Variants in ARRB2 observed in about 807,000 individuals in gnomAD.
The protein encoded by ARRB2 is beta-arrestin-2.
In ARRB2, 21 loss-of-function variants were observed where a neutral mutation model predicts 53.4. The ratio of observed to expected loss-of-function variants is 0.39; its 90% CI spans 0.28 to 0.57. The LOEUF is 0.57. ARRB2 is among the 20% of genes least tolerant of loss of function. The pLI is 0.55. For synonymous variants in ARRB2, 180 were observed against 212.9 expected (o/e 0.85, Z 1.34); for missense variants, 369 against 527.5 (o/e 0.70, Z 2.94).
At position 4,717,615 on chromosome 17, in the gene ARRB2, G is replaced by T; in HGVS notation, c.418-70G>T. ...AGTCCCTGCCCGAGAGGAGGGAAGG[G>T]GGAGGAAGAAAGGGCAGTGATGGTG... On this transcript the variant is annotated intron_variant, in intron 6 of 14. Coordinates refer to ENST00000269260, the MANE Select transcript of ARRB2 (RefSeq NM_004313.4). This position sits in a 1 kb window ranked among gnomAD's most constrained non-coding sequence, Gnocchi z 6.0. 2 of 1,594,274 alleles carry T rather than the reference G, an allele frequency of 1.3e-6. No homozygotes were observed. Among genetic ancestry groups the T allele is most frequent in the South Asian group, 2.2e-5 (2 of 90,670 alleles).
At position 4,717,759 on chromosome 17, in the gene ARRB2, GA is replaced by G; in HGVS notation, c.485+9del. 1.9e-6 allele frequency: 3 copies of G among 1,612,960 alleles called. No homozygotes were observed. Among genetic ancestry groups the G allele is most frequent in the Non-Finnish European group, 2.5e-6 (3 of 1,179,600 alleles). On this transcript the variant is annotated splice_region_variant and intron_variant, in intron 7 of 14. Transcript: ENST00000269260. This position sits in a 1 kb window ranked among gnomAD's most constrained non-coding sequence, Gnocchi z 6.0. ...AAGAGAAAAGCCACAAAAGGTAAGG[GA>G]AGTGACCTCCTCTGTGGTGTAAGAG...
chr17:4,718,265 A>G lies in ARRB2; in HGVS notation c.626A>G (p.Tyr209Cys). The change falls in exon 9 of 15, where the codon TAC (tyrosine) becomes TGC (cysteine). Residue 209 changes from tyrosine (Y) to cysteine (C), a missense_variant. Coordinates refer to ENST00000269260, the MANE Select transcript of ARRB2 (RefSeq NM_004313.4). ...HLEASLDKELYYHGEPLNVNV... is the reference protein window; with the variant it reads ...HLEASLDKELCYHGEPLNVNV... ...ATGACCCCCTCCCCCCAAAAGCTGTACTACCATGGGGAGCCCCTCAATGTA... is the reference window on the plus strand; with the variant it reads ...ATGACCCCCTCCCCCCAAAAGCTGTGCTACCATGGGGAGCCCCTCAATGTA... 1 of 1,611,246 alleles carries G rather than the reference A, an allele frequency of 6.2e-7. No individual in the cohort carries two copies. Among genetic ancestry groups the G allele is most frequent in the Non-Finnish European group, 8.5e-7 (1 of 1,178,668 alleles).
chr17:4,715,486 G>GACACACACACACACACAC, intron 2 of ARRB2: 1 of 132,752 alleles, frequency 7.5e-6, no homozygotes, highest in Non-Finnish European at 1.5e-5. Context: ...CACACACACA[G>GACACACACACACACACAC]ACACACACAC....
chr17:4,720,084 C>T (rs563618175), intron 11 of ARRB2, 132 bp from the exon 12 acceptor site: 166 of 883,324 alleles, frequency 1.9e-4, no homozygotes, highest in African/African-American at 1.4e-3. Flanking sequence ...CATAACCGCA[C>T]GGCCTGGGCT....
Position 4,721,109 on chromosome 17 carries a change from C to T in ARRB2, c.*70C>T. ...AGGGCAGGATTAAGATCCCCACTGT[C>T]AATGGGGGATTGTCCCAGCCCCTCT... On this transcript the variant is annotated 3_prime_UTR_variant, in exon 15 of 15. Coordinates refer to ENST00000269260, the MANE Select transcript of ARRB2 (RefSeq NM_004313.4). This position sits in a 1 kb window ranked among gnomAD's most constrained non-coding sequence, Gnocchi z 4.2. The T allele has an allele frequency of 1.4e-6, 2 of 1,458,094 alleles. No individual in the cohort carries two copies. The highest frequency in any genetic ancestry group is 1.9e-6 in the Non-Finnish European group (2 of 1,044,094). 90.3% of individuals were successfully genotyped at this position (1,458,094 alleles called of 1,614,324 possible).
chr17:4,717,630 C>T lies in ARRB2; in HGVS notation c.418-55C>T. 6.2e-7 allele frequency: 1 copy of T among 1,606,890 alleles called. No homozygotes were observed. Among genetic ancestry groups the T allele is most frequent in the Non-Finnish European group, 8.5e-7 (1 of 1,174,104 alleles). ...GGAGGGAAGGGGGAGGAAGAAAGGG[C>T]AGTGATGGTGGCGGGAGCCTCCGGT... On this transcript the variant is annotated intron_variant, in intron 6 of 14. Transcript: ENST00000269260. The surrounding 1 kb of genome is among the most constrained non-coding windows in gnomAD (Gnocchi z 6.0).
In ARRB2 at chr17:4,717,968, G is replaced by A. The variant is rs373133862; in HGVS notation, c.566G>A (p.Arg189His). 43 of 1,613,662 alleles carry A rather than the reference G, an allele frequency of 2.7e-5. No homozygotes were observed. Among genetic ancestry groups the A allele is most frequent in the Non-Finnish European group, 3.6e-5 (42 of 1,180,004 alleles). The change falls in exon 8 of 15, where the codon CGC (arginine) becomes CAC (histidine). Residue 189 changes from arginine (R) to histidine (H), a missense_variant. Arg to His is a conservative substitution (Grantham distance 29). Transcript: ENST00000269260. This position sits in a 1 kb window ranked among gnomAD's most constrained non-coding sequence, Gnocchi z 6.0. Reference sequence around the variant, plus strand: ...CCCCAGCCTTCAGCCGAAACCACACGCCACTTCCTCATGTCTGACCGGTCC... The same window carrying A: ...CCCCAGCCTTCAGCCGAAACCACACACCACTTCCTCATGTCTGACCGGTCC... ...PGPQPSAETT[R>H]HFLMSDRSLH...
At chr17:4,715,926 T>A in intron 2 of ARRB2, 47 bp from the exon 3 acceptor site, 1 of 1,612,030 alleles carries the variant, frequency 6.2e-7, no homozygotes, top group African/African-American at 1.3e-5. Context: ...TCCGATGCCC[T>A]GTCACCATCC....
At chr17:4,714,066 A>G (rs1325773292) in intron 1 of ARRB2, among the ~76,000 whole-genome samples, 1 of 146,238 alleles carries the variant, frequency 6.8e-6, no homozygotes, top group Non-Finnish European at 1.5e-5. Context: ...CATCTTCATG[A>G]TATGGCTGGC....
In ARRB2 at chr17:4,717,954, A is replaced by C; in HGVS notation, c.552A>C (p.Ser184=). Residue 184 remains serine, a synonymous_variant, in exon 8 of 15, where the codon TCA becomes TCC. Transcript: ENST00000269260. This position sits in a 1 kb window ranked among gnomAD's most constrained non-coding sequence, Gnocchi z 6.0. ...FAPEKPGPQP[S]AETTRHFLMS... is the part of the protein sequence containing the mutation. ...CGGAGAAACCCGGCCCCCAGCCTTC[A>C]GCCGAAACCACACGCCACTTCCTCA... 6.2e-7 allele frequency: 1 copy of C among 1,613,812 alleles called. No homozygotes were observed. Among genetic ancestry groups the C allele is most frequent in the East Asian group, 2.2e-5 (1 of 44,870 alleles).
Position 4,720,200 on chromosome 17 carries a change from A to T in ARRB2, c.918-16A>T. ...GGTGATAGGCCCTGGTCTGACTCCA[A>T]CACCCTCAATTGCAGCGTGAAGGAG... On this transcript the variant is annotated splice_polypyrimidine_tract_variant and intron_variant, in intron 11 of 14. Coordinates refer to ENST00000269260, the MANE Select transcript of ARRB2 (RefSeq NM_004313.4). 6.2e-7 allele frequency: 1 copy of T among 1,605,920 alleles called. No homozygotes were observed. The highest frequency in any genetic ancestry group is 8.5e-7 in the Non-Finnish European group (1 of 1,176,054).
At chr17:4,715,860 T>A in intron 2 of ARRB2, 113 bp from the exon 3 acceptor site, 7 of 1,240,722 alleles carry the variant, frequency 5.6e-6, no homozygotes, top group Non-Finnish European at 8.2e-6. Flanking sequence ...CTGGAACAAC[T>A]CCTTCCTGAT....
rs1214612689 is a variant in ARRB2 at position 4,710,655 on chromosome 17, G to T, written c.-67G>T. ...GCGCATTGGCGCGGGGAGGAGCAGG[G>T]ATCTTGGCAGCGGGCGAGGAGGCTG... On this transcript the variant is annotated 5_prime_UTR_variant, in exon 1 of 15. Transcript: ENST00000269260. 1.8e-5 allele frequency: 7 copies of T among 398,632 alleles called. No homozygotes were observed. The highest frequency in any genetic ancestry group is 4.4e-6 in the Non-Finnish European group (1 of 226,124). The allele number at this position is 398,632 out of a possible 1,614,324, so 24.7% of individuals were successfully genotyped here.
At chr17:4,715,377 G>A (rs1914844565) in intron 2 of ARRB2, 2 of 397,492 alleles carry the variant, frequency 5.0e-6, no homozygotes, top group African/African-American at 2.0e-5. Context: ...CCGGGCTATG[G>A]CCTATTTATC....
Position 4,716,164 on chromosome 17 carries a change from G to A in ARRB2, c.133G>A (p.Asp45Asn), listed in dbSNP as rs752252946. 6.2e-7 allele frequency: 1 copy of A among 1,614,172 alleles called. No individual in the cohort carries two copies. ...CCTCCTAGATGGCGTGGTGCTTGTG[G>A]ACCCTGACTACCTGAAGGACCGCAA... Reference protein sequence around the residue: ...VDPVDGVVLVDPDYLKDRKVF... With the variant: ...VDPVDGVVLVNPDYLKDRKVF... Residue 45 changes from aspartate to asparagine, a missense_variant, in exon 4 of 15, where the codon GAC becomes AAC. Transcript: ENST00000269260.
At position 4,717,603 on chromosome 17, in the gene ARRB2, G is replaced by C; in HGVS notation, c.418-82G>C. ...CAATGAGGCAAGAGTCCCTGCCCGA[G>C]AGGAGGGAAGGGGGAGGAAGAAAGG... is the stretch of plus-strand genomic sequence containing the variant. On this transcript the variant is annotated intron_variant, in intron 6 of 14. Coordinates refer to ENST00000269260, the MANE Select transcript of ARRB2 (RefSeq NM_004313.4). The surrounding 1 kb of genome is among the most constrained non-coding windows in gnomAD (Gnocchi z 6.0). 5.7e-6 allele frequency: 9 copies of C among 1,568,908 alleles called. No individual in the cohort carries two copies. In the South Asian group the frequency reaches 8.9e-5, roughly 15 times the overall value.
chr17:4,717,253 C>T lies in ARRB2; in HGVS notation c.394C>T (p.Pro132Ser). The T allele has an allele frequency of 6.2e-7, 1 of 1,614,140 alleles. No homozygotes were observed. The highest frequency in any genetic ancestry group is 8.5e-7 in the Non-Finnish European group (1 of 1,179,996). The stretch of plus-strand genomic sequence containing the variant: ...TCTTCCATGCTCCGTCACACTGCAG[C>T]CAGGCCCAGAGGATACAGGAAAGGT... ...QNLPCSVTLQ[P>S]GPEDTGKACG... Residue 132 changes from proline (P) to serine (S), a missense_variant, in exon 6 of 15, where the codon CCA becomes TCA. Coordinates refer to ENST00000269260, the MANE Select transcript of ARRB2 (RefSeq NM_004313.4). This position sits in a 1 kb window ranked among gnomAD's most constrained non-coding sequence, Gnocchi z 6.0.
intron 14 of ARRB2, 54 bp from the exon 15 acceptor site, chr17:4,720,892 G>A (rs1329652383): frequency 4.5e-6 from 7 of 1,568,764 alleles, no homozygotes; most frequent in Non-Finnish European, 6.1e-6. Flanking sequence ...GGAGTGGGAG[G>A]CTGGGACAAG....
chr17:4,713,394 A>T (rs1914626037), intron 1 of ARRB2, among the ~76,000 whole-genome samples: 1 of 152,102 alleles, frequency 6.6e-6, no homozygotes, highest in African/African-American at 2.4e-5. Context: ...GCACTTTGGG[A>T]GGCTGAGACA....
Sources: gnomAD v4.1 joint callset for allele counts (sites outside exome capture counted in the v4.1 genomes callset) on GRCh38, gnomAD v4.1.1 for gene constraint, Gnocchi (gnomAD v3.1) non-coding constraint, MANE v1.5 for transcripts, NCBI Gene and HGNC (gene_info 2026-07-23, HGNC 2026-07-21) for gene names.